NSG1: variants seen among roughly 807,000 people sequenced by gnomAD.
The protein encoded by NSG1 is neuronal vesicle trafficking associated 1.
NSG1 carries 9 observed loss-of-function variants against 19.3 expected under a neutral mutation model. The ratio of observed to expected loss-of-function variants is 0.47; its 90% confidence interval spans 0.28 to 0.81. NSG1 has a LOEUF of 0.81. Ranked by LOEUF, NSG1 falls within the 40% of genes least tolerant of loss-of-function variation. The probability of loss-of-function intolerance (pLI) is 0.11; values close to 1 mark genes in which losing one functional copy is unlikely to be tolerated. For missense variants in NSG1, 236 were observed against 242.4 expected (o/e 0.97, Z 0.18); for synonymous variants, 104 against 107.0 (o/e 0.97, Z 0.17).
intron 4 of NSG1, among the ~76,000 whole-genome samples, chr4:4,413,103 C>T (rs898137622): frequency 2.0e-5 from 3 of 152,130 alleles, no homozygotes; most frequent in Admixed American, 6.5e-5. Context: ...GCAGCTCTTG[C>T]TATTGTTCTA....
intron 3 of NSG1, among the ~76,000 whole-genome samples, chr4:4,403,824 C>T (rs1196618130): frequency 2.0e-5 from 3 of 152,188 alleles, no homozygotes; most frequent in Non-Finnish European, 4.4e-5. Flanking sequence ...GTGCAGAAGG[C>T]GGCGGACGTC....
At chr4:4,391,246 C>T (rs1722973504) in intron 2 of NSG1, among the ~76,000 whole-genome samples, 2 of 152,304 alleles carry the variant, frequency 1.3e-5, no homozygotes, top group South Asian at 4.1e-4. Flanking sequence ...ACTTCTGTGC[C>T]CCTCGGTTAT....
rs141490370 is a variant in NSG1, at chr4:4,401,921, C to T, written c.247-7652C>T. Among the ~76,000 whole-genome samples the T allele has an allele frequency of 4.4e-3, 665 of 152,246 alleles. 3 individuals are homozygous for T. Among genetic ancestry groups the T allele is most frequent in the African/African-American group, 0.014 (602 of 41,538 alleles). On this transcript the variant is annotated intron_variant, in intron 3 of 4. Transcript: ENST00000621129. ...TTTGAGACAGGGCCTCGCTTTGTCACCCAGGCTGGTGTGTAGTGGCACCAT... is the reference window on the plus strand; with the variant it reads ...TTTGAGACAGGGCCTCGCTTTGTCATCCAGGCTGGTGTGTAGTGGCACCAT...
Position 4,402,405 on chromosome 4 carries a change from T to A in NSG1, c.247-7168T>A, listed in dbSNP as rs1391697015. Among the ~76,000 whole-genome samples the A allele has an allele frequency of 2.3e-4, 16 of 69,448 alleles. 1 individual carries two copies. The highest frequency in any genetic ancestry group is 1.5e-3 in the Admixed American group (7 of 4,654). 45.6% of individuals were successfully genotyped at this position (69,448 alleles called of 152,430 possible). A position where few individuals can be genotyped will look rare whatever the true frequency, so the allele number is the denominator to read the frequency against. ...TTTTTTTTTTTTTTTTTTTTTTTTT[T>A]GAGACGGAGTCTTGCTCTGTCGCCC... On this transcript the variant is annotated intron_variant, in intron 3 of 4. Coordinates refer to ENST00000621129, the MANE Select transcript of NSG1 (RefSeq NM_014392.5).
At chr4:4,401,287 C>T (rs2108738416) in intron 3 of NSG1, among the ~76,000 whole-genome samples, 1 of 152,282 alleles carries the variant, frequency 6.6e-6, no homozygotes, top group South Asian at 2.1e-4. Context: ...GTGAGAAATG[C>T]TAGTTTGTCA....
chr4:4,388,614 C>T (rs1722853970), intron 2 of NSG1, among the ~76,000 whole-genome samples: 1 of 152,218 alleles, frequency 6.6e-6, no homozygotes, highest in Non-Finnish European at 1.5e-5. Context: ...TACGAACCAC[C>T]ACAGCCACGA....
In NSG1 at chr4:4,391,513, C is replaced by T. The variant is rs1297054958; in HGVS notation, c.168C>T (p.Arg56=). The T allele has an allele frequency of 1.2e-6, 2 of 1,613,328 alleles. No individual in the cohort carries two copies. The highest frequency in any genetic ancestry group is 2.7e-5 in the African/African-American group (2 of 74,808). The part of the protein sequence containing the change: ...VKTKTEYEPD[R]KKGKARPPQI... ...CTAAGACCGAGTATGAACCTGACCG[C>T]AAGAAAGGGAAAGCACGTCCTCCCC... The change falls in exon 3 of 5, where the codon CGC becomes CGT. Residue 56 remains arginine, a synonymous_variant. Transcript: ENST00000621129.
chr4:4,391,200 C>T (rs76730075), intron 2 of NSG1, among the ~76,000 whole-genome samples: 1,613 of 152,312 alleles, frequency 0.011, 25 homozygotes, highest in African/African-American at 0.037. Context: ...CCCGCCCTGC[C>T]GCCTATAAAC....
intron 3 of NSG1, among the ~76,000 whole-genome samples, chr4:4,395,270 G>C (rs914353006): frequency 2.0e-5 from 3 of 152,192 alleles, no homozygotes; most frequent in African/African-American, 7.2e-5. Context: ...TTTTAACTTG[G>C]ACCCTGAACC....
chr4:4,412,532 G>A (rs1254279931), intron 4 of NSG1, among the ~76,000 whole-genome samples: 2 of 152,036 alleles, frequency 1.3e-5, no homozygotes, highest in African/African-American at 2.4e-5. Flanking sequence ...AGGCCAGGGA[G>A]CTGCTGGTCT....
chr4:4,387,710 G>A lies in NSG1; in HGVS notation c.81G>A (p.Leu27=). Residue 27 remains leucine (L), a synonymous_variant, in exon 2 of 5, where the codon CTG becomes CTA. Transcript: ENST00000621129. Reference sequence around the variant, plus strand: ...AGGATGGCTTCGACACCATTCCCCTGATGACGCCCCTCGATGTCAATCAGC... The same window carrying A: ...AGGATGGCTTCGACACCATTCCCCTAATGACGCCCCTCGATGTCAATCAGC... ...LLEDGFDTIP[L]MTPLDVNQLQ... is the part of the protein sequence containing the mutation. 1.9e-6 allele frequency: 3 copies of A among 1,613,592 alleles called. No individual in the cohort carries two copies. The highest frequency in any genetic ancestry group is 2.5e-6 in the Non-Finnish European group (3 of 1,179,622).
chr4:4,400,076 T>A (rs919263915), intron 3 of NSG1, among the ~76,000 whole-genome samples: 1 of 152,230 alleles, frequency 6.6e-6, no homozygotes, highest in Admixed American at 6.5e-5. Context: ...ATTTTTCCCT[T>A]GTGTTTTCTT....
At chr4:4,399,893 C>A (rs1187240432) in intron 3 of NSG1, among the ~76,000 whole-genome samples, 1 of 152,216 alleles carries the variant, frequency 6.6e-6, no homozygotes, top group African/African-American at 2.4e-5. Flanking sequence ...CTATGAGAAT[C>A]TAATGCTGCC....
chr4:4,395,235 T>G (rs1222858214), intron 3 of NSG1, among the ~76,000 whole-genome samples: 1 of 152,244 alleles, frequency 6.6e-6, no homozygotes, highest in Non-Finnish European at 1.5e-5. Flanking sequence ...TGGAGCCACC[T>G]GAGTCAGCAT....
chr4:4,387,561 C>CGGGGGG, intron 1 of NSG1, 43 bp from the exon 2 acceptor site: 204 of 1,141,590 alleles, frequency 1.8e-4, no homozygotes, highest in East Asian at 2.7e-4. Context: ...CGCCCCGCCC[C>CGGGGGG]GGGTCTTGCT....
chr4:4,392,221 C>T (rs780196223), intron 3 of NSG1, among the ~76,000 whole-genome samples: 5 of 152,010 alleles, frequency 3.3e-5, no homozygotes, highest in African/African-American at 4.8e-5. Context: ...CAGCCTGTCT[C>T]GGTGGGAGGA....
intron 4 of NSG1, among the ~76,000 whole-genome samples, chr4:4,411,560 A>AT (rs1724181698): frequency 6.6e-6 from 1 of 152,170 alleles, no homozygotes; most frequent in Admixed American, 6.5e-5. Context: ...TCTGGCCAAC[A>AT]TGGTGAAACA....
At chr4:4,407,165 C>T (rs1033576687) in intron 3 of NSG1, among the ~76,000 whole-genome samples, 5 of 152,020 alleles carry the variant, frequency 3.3e-5, no homozygotes, top group African/African-American at 7.3e-5. Flanking sequence ...GTTTCTCTGG[C>T]CCTTAGAGAG....
At chr4:4,405,862 G>T (rs1320742916) in intron 3 of NSG1, among the ~76,000 whole-genome samples, 1 of 152,164 alleles carries the variant, frequency 6.6e-6, no homozygotes, top group Non-Finnish European at 1.5e-5. Flanking sequence ...GAAAGGCTTG[G>T]CCAGGTTTCG....
Sources: gnomAD v4.1 joint callset for allele counts (sites outside exome capture counted in the v4.1 genomes callset) on GRCh38, gnomAD v4.1.1 for gene constraint, MANE v1.5 for transcripts, NCBI Gene and HGNC (gene_info 2026-07-23, HGNC 2026-07-21) for gene names.